Variants in ARHGAP26 observed in about 807,000 individuals in gnomAD.
ARHGAP26 encodes rho GTPase-activating protein 26.
In ARHGAP26, 38 loss-of-function variants were observed where a neutral mutation model predicts 104.8. The observed-to-expected ratio is 0.36, with a 90% CI of 0.28 to 0.48. The LOEUF (loss-of-function observed/expected upper bound fraction) is 0.48. ARHGAP26 is among the 20% of genes least tolerant of loss of function. The probability of loss-of-function intolerance (pLI) is 0.99; values close to 1 mark genes in which losing one functional copy is unlikely to be tolerated. For synonymous variants in ARHGAP26, 341 were observed against 340.0 expected, an observed-to-expected ratio of 1.00 and a Z score of -0.03; for missense variants, 704 against 947.9, an observed-to-expected ratio of 0.74 and a Z score of 3.38.
chr5:143,113,558 C>G (rs1381572361), intron 17 of ARHGAP26, among the ~76,000 whole-genome samples: 1 of 152,144 alleles, frequency 6.6e-6, no homozygotes. Context: ...CTCACTCTTT[C>G]ATTATTAGGA....
chr5:142,809,575 C>T (rs1763676069), intron 1 of ARHGAP26, among the ~76,000 whole-genome samples: 1 of 152,218 alleles, frequency 6.6e-6, no homozygotes, highest in Admixed American at 6.5e-5. Context: ...TAATCCACCA[C>T]CTGCAAGGGA....
At chr5:143,040,647 A>G (rs1562311853) in intron 13 of ARHGAP26, among the ~76,000 whole-genome samples, 1 of 152,262 alleles carries the variant, frequency 6.6e-6, no homozygotes, top group African/African-American at 2.4e-5. Context: ...GGGAATGACC[A>G]GTAATGTTGA....
At chr5:142,982,436 G>A (rs2152732473) in intron 11 of ARHGAP26, among the ~76,000 whole-genome samples, 1 of 152,348 alleles carries the variant, frequency 6.6e-6, no homozygotes, top group Admixed American at 6.5e-5. Context: ...GGGGTGTCTT[G>A]TAGTGGGAGG....
intron 20 of ARHGAP26, among the ~76,000 whole-genome samples, chr5:143,175,985 G>A (rs1803425374): frequency 6.6e-6 from 1 of 152,068 alleles, no homozygotes; most frequent in Admixed American, 6.6e-5. Context: ...GTGGTGGTGT[G>A]CCCCTGTAAT....
chr5:142,895,948 G>A (rs538189708), intron 6 of ARHGAP26, among the ~76,000 whole-genome samples: 6 of 152,250 alleles, frequency 3.9e-5, no homozygotes, highest in South Asian at 4.1e-4. Context: ...CCTTAAAGTC[G>A]TCAATTACTT....
intron 11 of ARHGAP26, among the ~76,000 whole-genome samples, chr5:143,002,461 T>C (rs185779356): frequency 9.9e-5 from 15 of 152,244 alleles, no homozygotes; most frequent in African/African-American, 3.6e-4. Flanking sequence ...TTTGGGAGGA[T>C]GGGAGGTGGT....
At chr5:142,830,567 CTT>C (rs1390117253) in intron 1 of ARHGAP26, among the ~76,000 whole-genome samples, 2 of 152,150 alleles carry the variant, frequency 1.3e-5, no homozygotes, top group Non-Finnish European at 2.9e-5. Flanking sequence ...TCAATGCACT[CTT>C]TAATTAATAT....
intron 11 of ARHGAP26, among the ~76,000 whole-genome samples, chr5:142,970,533 A>G (rs954712898): frequency 9.9e-5 from 15 of 152,204 alleles, no homozygotes; most frequent in Non-Finnish European, 4.4e-5. Flanking sequence ...TTCTGGCAAG[A>G]CGACATACTT....
In ARHGAP26 at chr5:143,131,318, G is replaced by A. The variant is rs973985430; in HGVS notation, c.1699-2649G>A. 2.0e-5 allele frequency among the ~76,000 whole-genome samples: 3 copies of A among 152,044 alleles called. No homozygotes were observed. The South Asian group carries it at 6.2e-4, about 32-fold the overall frequency. ...GGAAATAGTAAAAGCTCACATTTTT[G>A]TTGACAGTTGAAATTGAAGTCCATG... On this transcript the variant is annotated intron_variant, in intron 18 of 22. Coordinates refer to ENST00000645722, the MANE Select transcript of ARHGAP26 (RefSeq NM_001135608.3).
intron 20 of ARHGAP26, among the ~76,000 whole-genome samples, chr5:143,163,432 GGTTTGTTT>G (rs368136971): frequency 0.011 from 1,599 of 150,710 alleles, 28 homozygotes; most frequent in African/African-American, 0.032. Flanking sequence ...AGGAGTTCTA[GGTTTGTTT>G]GTTTGTTTGT....
chr5:143,130,326 T>A (rs1797182098), intron 18 of ARHGAP26, among the ~76,000 whole-genome samples: 1 of 152,252 alleles, frequency 6.6e-6, no homozygotes, highest in Admixed American at 6.5e-5. Context: ...CCAGAAGGCT[T>A]ACAGTCTTCC....
intron 1 of ARHGAP26, among the ~76,000 whole-genome samples, chr5:142,843,800 G>A (rs918269768): frequency 6.6e-6 from 1 of 152,092 alleles, no homozygotes; most frequent in Non-Finnish European, 1.5e-5. Context: ...TATAAAATCT[G>A]GGGCTTGATC....
chr5:143,225,478 T>C lies in ARHGAP26; in HGVS notation c.*3032T>C, dbSNP rs2151441448. 1 of 200,990 alleles carries C rather than the reference T, an allele frequency of 5.0e-6. No individual in the cohort carries two copies. The highest frequency in any genetic ancestry group is 1.9e-4 in the South Asian group (1 of 5,238). 12.5% of individuals were successfully genotyped at this position (200,990 alleles called of 1,614,324 possible). A position where few individuals can be genotyped will look rare whatever the true frequency, so the allele number is the denominator to read the frequency against. Reference sequence around the variant, plus strand: ...TGCTGGGATTCCAGGTGTGAGCCGCTGCGGCCGACCACATTTGATGTTTGA... The same window carrying C: ...TGCTGGGATTCCAGGTGTGAGCCGCCGCGGCCGACCACATTTGATGTTTGA... On this transcript the variant is annotated 3_prime_UTR_variant, in exon 23 of 23. Coordinates refer to ENST00000645722, the MANE Select transcript of ARHGAP26 (RefSeq NM_001135608.3).
chr5:143,158,275 T>C (rs1296119870), intron 20 of ARHGAP26, among the ~76,000 whole-genome samples: 2 of 152,152 alleles, frequency 1.3e-5, no homozygotes, highest in East Asian at 3.8e-4. Context: ...TAAAAAGGAA[T>C]TAAAATACCC....
intron 1 of ARHGAP26, among the ~76,000 whole-genome samples, chr5:142,784,294 T>G (rs1376204151): frequency 2.0e-5 from 3 of 152,232 alleles, no homozygotes; most frequent in Non-Finnish European, 4.4e-5. Context: ...TTTTGGCCTC[T>G]GTGTCTTTTG....
chr5:143,131,636 C>T (rs539968035), intron 18 of ARHGAP26, among the ~76,000 whole-genome samples: 3 of 152,280 alleles, frequency 2.0e-5, no homozygotes, highest in Admixed American at 6.5e-5. Flanking sequence ...GGAGATTAGC[C>T]AAATGAATGG....
chr5:142,862,996 G>T (rs181857084), intron 1 of ARHGAP26, among the ~76,000 whole-genome samples: 56 of 152,008 alleles, frequency 3.7e-4, no homozygotes, highest in Admixed American at 3.2e-3. Flanking sequence ...CCTTGCTGTA[G>T]GAATATCCAG....
chr5:143,049,284 C>T (rs1455180497), intron 14 of ARHGAP26, among the ~76,000 whole-genome samples: 1 of 152,122 alleles, frequency 6.6e-6, no homozygotes. Flanking sequence ...TCAAACTTGT[C>T]CTCCATCTCA....
intron 1 of ARHGAP26, among the ~76,000 whole-genome samples, chr5:142,845,877 C>T (rs1284099452): frequency 6.6e-6 from 1 of 152,168 alleles, no homozygotes; most frequent in African/African-American, 2.4e-5. Context: ...GGCTTGTCAG[C>T]AGTTGGTCAG....
Sources: gnomAD v4.1 joint callset for allele counts (sites outside exome capture counted in the v4.1 genomes callset) on GRCh38, gnomAD v4.1.1 for gene constraint, MANE v1.5 for transcripts, NCBI Gene and HGNC (gene_info 2026-07-23, HGNC 2026-07-21) for gene names.